SOX5: variants seen among roughly 807,000 people sequenced by gnomAD.
SOX5 encodes the protein transcription factor SOX-5.
A neutral mutation model predicts 92.0 loss-of-function variants in SOX5; 9 were observed. The observed-to-expected ratio is 0.10, with a 90% CI of 0.06 to 0.17. The LOEUF (loss-of-function observed/expected upper bound fraction) is 0.17. SOX5 is among the 10% of genes least tolerant of loss of function. The pLI is 1.00. For synonymous variants in SOX5, 344 were observed against 336.3 expected, an observed-to-expected ratio of 1.02 and a Z score of -0.25; for missense variants, 642 against 944.5, an observed-to-expected ratio of 0.68 and a Z score of 4.20.
At chr12:23,838,273 A>G (rs2096460930) in intron 3 of SOX5, among the ~76,000 whole-genome samples, 1 of 149,850 alleles carries the variant, frequency 6.7e-6, no homozygotes, top group Non-Finnish European at 1.5e-5. Context: ...TTTTTATGAT[A>G]CAATTTTTGC....
At position 24,005,238 on chromosome 12, in the gene SOX5, C is replaced by T. The variant is rs531253305; in HGVS notation, c.-1-109214G>A. Among the ~76,000 whole-genome samples the T allele has an allele frequency of 4.0e-4, 60 of 150,878 alleles. No individual in the cohort carries two copies. The South Asian group carries it at 0.011, about 27-fold the overall frequency. ...CATAAAATTGGTGAATTCTGAAGTA[C>T]GTAAATGACATTTCAATAAAGCTAT... On this transcript the variant is annotated intron_variant, in intron 4 of 4. Coordinates refer to the SOX5 transcript ENST00000446891.
At chr12:23,731,150 G>C (rs947879797) in intron 6 of SOX5, among the ~76,000 whole-genome samples, 1 of 152,186 alleles carries the variant, frequency 6.6e-6, no homozygotes, top group Admixed American at 6.5e-5. Context: ...TTGTACTCCA[G>C]GACTCACACT....
chr12:24,506,784 C>CTTTTTTTTTTTTTTTTTTTTTTTTTTTT lies in SOX5; in HGVS notation c.-251+55544_-251+55545insAAAAAAAAAAAAAAAAAAAAAAAAAAAA, dbSNP rs386375924. The stretch of plus-strand genomic sequence containing the variant: ...CTGTATTTCATGGTATCCAAATGGT[C>CTTTTTTTTTTTTTTTTTTTTTTTTTTTT]TTTTTTTTTTTTTTTTTTTTTTGGA... On this transcript the variant is annotated intron_variant, in intron 1 of 4. Coordinates refer to the SOX5 transcript ENST00000446891. 3.3e-4 allele frequency among the ~76,000 whole-genome samples: 27 copies of CTTTTTTTTTTTTTTTTTTTTTTTTTTTT among 81,768 alleles called. 3 individuals are homozygous for CTTTTTTTTTTTTTTTTTTTTTTTTTTTT. Among genetic ancestry groups the CTTTTTTTTTTTTTTTTTTTTTTTTTTTT allele is most frequent in the East Asian group, 4.8e-4 (1 of 2,076 alleles). The allele number at this position is 81,768 out of a possible 152,430, so 53.6% of individuals were successfully genotyped here.
chr12:24,457,236 G>T (rs908929616), intron 1 of SOX5, among the ~76,000 whole-genome samples: 5 of 152,110 alleles, frequency 3.3e-5, no homozygotes, highest in African/African-American at 1.2e-4. Context: ...GACTCCAAAA[G>T]AGGAGACAGT....
intron 3 of SOX5, among the ~76,000 whole-genome samples, chr12:23,767,017 C>T (rs2094752789): frequency 6.6e-6 from 1 of 151,980 alleles, no homozygotes; most frequent in South Asian, 2.1e-4. Context: ...AGTTAATAGC[C>T]TGGGCAAAAT....
intron 6 of SOX5, among the ~76,000 whole-genome samples, chr12:23,700,959 G>GTA (rs772759414): frequency 2.0e-4 from 30 of 151,070 alleles, no homozygotes; most frequent in Admixed American, 4.6e-4. Context: ...ATATATGTGT[G>GTA]TATATATATA....
intron 2 of SOX5, among the ~76,000 whole-genome samples, chr12:24,336,420 C>G (rs1951911149): frequency 6.6e-6 from 1 of 152,002 alleles, no homozygotes; most frequent in African/African-American, 2.4e-5. Flanking sequence ...CGTCAAAGTT[C>G]AGCATAACAC....
At chr12:24,162,354 G>T (rs1273615639) in intron 4 of SOX5, among the ~76,000 whole-genome samples, 2 of 152,024 alleles carry the variant, frequency 1.3e-5, no homozygotes, top group African/African-American at 4.8e-5. Context: ...TTTATCCAAA[G>T]TCATCCTCAT....
At chr12:24,117,142 A>G (rs1271765237) in intron 4 of SOX5, among the ~76,000 whole-genome samples, 2 of 152,324 alleles carry the variant, frequency 1.3e-5, no homozygotes, top group South Asian at 4.1e-4. Flanking sequence ...CAATTAAAAA[A>G]TGATCAAAGG....
intron 1 of SOX5, among the ~76,000 whole-genome samples, chr12:24,403,935 C>T (rs1596328502): frequency 7.3e-6 from 1 of 136,640 alleles, no homozygotes; most frequent in Admixed American, 6.9e-5. Flanking sequence ...GTGACAAATA[C>T]TACAAGACTC....
At chr12:23,750,347 A>G (rs1316553582) in intron 4 of SOX5, among the ~76,000 whole-genome samples, 1 of 151,938 alleles carries the variant, frequency 6.6e-6, no homozygotes, top group Non-Finnish European at 1.5e-5. Flanking sequence ...GCAATAAATC[A>G]TAATCGGCAA....
At chr12:24,009,910 T>C (rs1270967593) in intron 4 of SOX5, among the ~76,000 whole-genome samples, 1 of 152,038 alleles carries the variant, frequency 6.6e-6, no homozygotes, top group Non-Finnish European at 1.5e-5. Flanking sequence ...GGAGGGACAA[T>C]GAACAAAGTA....
intron 6 of SOX5, among the ~76,000 whole-genome samples, chr12:23,733,084 G>T (rs182307520): frequency 6.6e-6 from 1 of 152,190 alleles, no homozygotes; most frequent in Non-Finnish European, 1.5e-5. Context: ...TAATCTAATT[G>T]GTCGGAACAG....
intron 4 of SOX5, among the ~76,000 whole-genome samples, chr12:23,974,111 G>C (rs1171078261): frequency 1.3e-5 from 2 of 152,006 alleles, no homozygotes; most frequent in African/African-American, 4.8e-5. Context: ...TAATAAAATA[G>C]AAAAATTAGA....
intron 1 of SOX5, among the ~76,000 whole-genome samples, chr12:23,919,835 A>T (rs1300563591): frequency 6.6e-6 from 1 of 152,240 alleles, no homozygotes; most frequent in Non-Finnish European, 1.5e-5. Context: ...ATCTTTTACA[A>T]AAATAACCCT....
chr12:24,160,229 A>G (rs1475160596), intron 4 of SOX5, among the ~76,000 whole-genome samples: 4 of 152,068 alleles, frequency 2.6e-5, no homozygotes. Context: ...GAATGTAGTT[A>G]GACATGTTAA....
At chr12:23,633,046 G>A (rs1338282703) in intron 8 of SOX5, among the ~76,000 whole-genome samples, 1 of 152,064 alleles carries the variant, frequency 6.6e-6, no homozygotes, top group African/African-American at 2.4e-5. Flanking sequence ...CATCCAAAAA[G>A]AATTTCAATC....
chr12:23,916,614 G>A (rs889608728), intron 1 of SOX5, among the ~76,000 whole-genome samples: 1 of 152,028 alleles, frequency 6.6e-6, no homozygotes, highest in Non-Finnish European at 1.5e-5. Context: ...AAACAATAAA[G>A]AACTATAATC....
chr12:23,746,314 AG>A (rs1472449852), intron 4 of SOX5, among the ~76,000 whole-genome samples: 1 of 152,122 alleles, frequency 6.6e-6, no homozygotes, highest in Non-Finnish European at 1.5e-5. Flanking sequence ...CCCAGCAAAA[AG>A]GAGCTACTCT....
Sources: gnomAD v4.1 joint callset for allele counts (sites outside exome capture counted in the v4.1 genomes callset) on GRCh38, gnomAD v4.1.1 for gene constraint, MANE v1.5 for transcripts, NCBI Gene and HGNC (gene_info 2026-07-23, HGNC 2026-07-21) for gene names.